NRG1: variants seen among roughly 807,000 people sequenced by gnomAD.
NRG1 encodes the protein neuregulin 1, also known as pro-neuregulin-1, membrane-bound isoform.
A neutral mutation model predicts 63.8 loss-of-function variants in NRG1; 18 were observed. The ratio of observed to expected loss-of-function variants is 0.28; its 90% CI spans 0.19 to 0.42. NRG1 has a LOEUF of 0.42. Ranked by LOEUF, NRG1 falls within the 10% of genes least tolerant of loss-of-function variation. The pLI, the probability that NRG1 is intolerant of heterozygous loss-of-function variation, is 1.00. For missense variants in NRG1, 762 were observed against 814.7 expected (o/e 0.94, Z 0.79); for synonymous variants, 302 against 301.3 (o/e 1.00, Z -0.02).
At chr8:31,800,997 C>T (rs562013663) in intron 1 of NRG1, among the ~76,000 whole-genome samples, 9 of 130,102 alleles carry the variant, frequency 6.9e-5, no homozygotes, top group South Asian at 3.1e-4. Flanking sequence ...CCTGACACCA[C>T]GCCCGCCAAT....
chr8:32,010,000 G>T (rs1814484141), intron 1 of NRG1, among the ~76,000 whole-genome samples: 1 of 151,480 alleles, frequency 6.6e-6, no homozygotes, highest in African/African-American at 2.4e-5. Flanking sequence ...TTGTAGAGAA[G>T]GTGATGTAAT....
At chr8:32,191,405 A>G (rs185238579) in intron 1 of NRG1, among the ~76,000 whole-genome samples, 153 of 152,272 alleles carry the variant, frequency 1.0e-3, no homozygotes, top group African/African-American at 3.6e-3. Flanking sequence ...TTCTGTTCAC[A>G]AGATACACAG....
intron 1 of NRG1, among the ~76,000 whole-genome samples, chr8:32,316,473 A>C (rs1857404940): frequency 9.1e-5 from 1 of 11,028 alleles, no homozygotes. Flanking sequence ...AGACTCCATC[A>C]AAAAAAAAAA....
At position 32,748,327 on chromosome 8, in the gene NRG1, ACG is replaced by A. The variant is rs111644131; in HGVS notation, c.691+5606_691+5607del. 2.9e-3 allele frequency among the ~76,000 whole-genome samples: 343 copies of A among 118,810 alleles called. 6 individuals are homozygous for A. Among genetic ancestry groups the A allele is most frequent in the Middle Eastern group, 9.1e-3 (2 of 220 alleles). 77.9% of individuals were successfully genotyped at this position (118,810 alleles called of 152,430 possible). A position where few individuals can be genotyped will look rare whatever the true frequency, so the allele number is the denominator to read the frequency against. On this transcript the variant is annotated intron_variant, in intron 7 of 11. Transcript: ENST00000356819. The stretch of plus-strand genomic sequence containing the variant: ...TGACCACACACATAGGCGCATGTAC[ACG>A]CGCGCGCGCGCACACACACACACAC...
At chr8:32,570,236 A>C (rs1838289882) in intron 1 of NRG1, among the ~76,000 whole-genome samples, 1 of 152,130 alleles carries the variant, frequency 6.6e-6, no homozygotes, top group African/African-American at 2.4e-5. Context: ...TATTTTCTAT[A>C]TAACATGCAT....
chr8:32,748,856 C>G (rs1317406193), intron 7 of NRG1: 1 of 323,582 alleles, frequency 3.1e-6, no homozygotes, highest in African/African-American at 2.3e-5. Flanking sequence ...GAAGGAGTCT[C>G]CAGTGTCCCA....
chr8:31,775,510 G>A (rs979389696), intron 1 of NRG1, among the ~76,000 whole-genome samples: 2 of 152,068 alleles, frequency 1.3e-5, no homozygotes, highest in Non-Finnish European at 2.9e-5. Flanking sequence ...TTCAGGCAAT[G>A]GTCACACTAA....
intron 1 of NRG1, among the ~76,000 whole-genome samples, chr8:31,848,796 G>A (rs1231328825): frequency 6.6e-6 from 1 of 152,160 alleles, no homozygotes; most frequent in African/African-American, 2.4e-5. Context: ...GGACCAACTA[G>A]TTGCAGGAAA....
chr8:32,303,215 GAAAGA>G (rs140734008), intron 1 of NRG1, among the ~76,000 whole-genome samples: 6,600 of 131,752 alleles, frequency 0.05, 454 homozygotes, highest in African/African-American at 0.16. Context: ...AAAGAGAAAA[GAAAGA>G]AAAGAAAAGA....
intron 1 of NRG1, among the ~76,000 whole-genome samples, chr8:31,789,125 A>G (rs1284240930): frequency 2.0e-5 from 3 of 152,212 alleles, no homozygotes; most frequent in African/African-American, 7.2e-5. Flanking sequence ...TTTATCTTTA[A>G]CATAAAAGGT....
rs185387278 is a variant in NRG1, at chr8:32,027,454, T to C, written c.37+388023T>C. On this transcript the variant is annotated intron_variant, in intron 1 of 10. Transcript: ENST00000519301. ...CTTCCTTCCTTCCTTCCTTCCTTCC[T>C]TCCTTCCTTCCTTCCCTCCCTCCCT... Among the ~76,000 whole-genome samples the C allele has an allele frequency of 2.0e-3, 210 of 102,592 alleles. 1 individual carries two copies. Among genetic ancestry groups the C allele is most frequent in the African/African-American group, 6.6e-3 (128 of 19,482 alleles). 67.3% of individuals were successfully genotyped at this position (102,592 alleles called of 152,430 possible). A position where few individuals can be genotyped will look rare whatever the true frequency, so the allele number is the denominator to read the frequency against.
intron 11 of NRG1, chr8:32,763,129 C>A: frequency 7.6e-7 from 1 of 1,321,636 alleles, no homozygotes; most frequent in Non-Finnish European, 1.1e-6. Context: ...TAACTAGTTG[C>A]ATTTCATGGA....
At chr8:32,367,878 C>T (rs1808286190) in intron 1 of NRG1, among the ~76,000 whole-genome samples, 3 of 152,152 alleles carry the variant, frequency 2.0e-5, no homozygotes, top group Admixed American at 1.3e-4. Context: ...TAGCTTCATT[C>T]TTCTACATAT....
chr8:32,215,727 T>C (rs1277053499), intron 1 of NRG1, among the ~76,000 whole-genome samples: 1 of 152,158 alleles, frequency 6.6e-6, no homozygotes, highest in African/African-American at 2.4e-5. Context: ...TAAATAACCA[T>C]TTCCTGGAAG....
chr8:32,499,883 AGGGC>A (rs770531650), intron 1 of NRG1, among the ~76,000 whole-genome samples: 54 of 152,230 alleles, frequency 3.5e-4, no homozygotes, highest in Non-Finnish European at 5.1e-4. Context: ...CTCCAAGAAA[AGGGC>A]AATTGTGGTT....
At chr8:31,903,693 G>A (rs373949376) in intron 1 of NRG1, among the ~76,000 whole-genome samples, 2 of 152,214 alleles carry the variant, frequency 1.3e-5, no homozygotes, top group East Asian at 1.9e-4. Flanking sequence ...GGTGGATCAC[G>A]CGTGTAATCC....
intron 1 of NRG1, among the ~76,000 whole-genome samples, chr8:31,873,965 G>A (rs140482066): frequency 1.9e-3 from 289 of 152,152 alleles, no homozygotes; most frequent in African/African-American, 6.8e-3. Flanking sequence ...TTGTTCCTGT[G>A]CTCCTTGATC....
intron 5 of NRG1, among the ~76,000 whole-genome samples, chr8:32,642,442 G>A (rs1852600347): frequency 6.6e-6 from 1 of 152,150 alleles, no homozygotes; most frequent in African/African-American, 2.4e-5. Context: ...CTATGATTTG[G>A]AAAAATGGGA....
chr8:32,330,608 G>A (rs1802530812), intron 1 of NRG1, among the ~76,000 whole-genome samples: 1 of 152,224 alleles, frequency 6.6e-6, no homozygotes, highest in South Asian at 2.1e-4. Flanking sequence ...GCATTCATAA[G>A]TCACTTTGTC....
Sources: allele counts gnomAD v4.1 joint callset (sites outside exome capture counted in the v4.1 genomes callset), GRCh38; gene constraint gnomAD v4.1.1; transcripts MANE v1.5; gene names NCBI Gene and HGNC (gene_info 2026-07-23, HGNC 2026-07-21).